CACNB2: variants seen among roughly 807,000 people sequenced by gnomAD.
CACNB2 encodes voltage-dependent L-type calcium channel subunit beta-2.
A neutral mutation model predicts 73.3 loss-of-function variants in CACNB2; 42 were observed. That is an observed-to-expected ratio of 0.57 (90% CI 0.45 to 0.74). CACNB2 has a LOEUF of 0.74. CACNB2 is among the 30% of genes least tolerant of loss of function. CACNB2 has a pLI of 0.00. For missense variants in CACNB2, 940 were observed against 853.0 expected (o/e 1.10, Z -1.27); for synonymous variants, 348 against 310.3 (o/e 1.12, Z -1.28).
intron 1 of CACNB2, chr10:18,141,200 G>C (rs757223131): frequency 8.2e-7 from 1 of 1,222,822 alleles, no homozygotes; most frequent in Non-Finnish European, 1.1e-6. Context: ...GGAGTGGACT[G>C]GACCTGCTGA....
At chr10:18,181,612 A>G (rs1026408611) in intron 2 of CACNB2, among the ~76,000 whole-genome samples, 1 of 121,084 alleles carries the variant, frequency 8.3e-6, no homozygotes, top group East Asian at 2.0e-4. Flanking sequence ...ATTTTATTTT[A>G]TTTTATTTTA....
At chr10:18,315,048 G>A (rs1439509618) in intron 2 of CACNB2, among the ~76,000 whole-genome samples, 1 of 152,112 alleles carries the variant, frequency 6.6e-6, no homozygotes, top group Non-Finnish European at 1.5e-5. Flanking sequence ...TAAAAACAGT[G>A]GGACCAGGCG....
intron 2 of CACNB2, among the ~76,000 whole-genome samples, chr10:18,242,854 A>G (rs887251385): frequency 2.0e-5 from 3 of 151,496 alleles, no homozygotes; most frequent in Admixed American, 6.6e-5. Flanking sequence ...AAAAAAACAA[A>G]AAAACATTAG....
chr10:18,253,534 A>T (rs1007698996), intron 2 of CACNB2, among the ~76,000 whole-genome samples: 1 of 152,188 alleles, frequency 6.6e-6, no homozygotes, highest in Non-Finnish European at 1.5e-5. Context: ...GAAATGTTAC[A>T]CTATGAATAG....
chr10:18,409,954 C>G (rs2044525007), intron 3 of CACNB2, among the ~76,000 whole-genome samples: 1 of 152,114 alleles, frequency 6.6e-6, no homozygotes, highest in African/African-American at 2.4e-5. Flanking sequence ...CCTGGTCATC[C>G]TCTCCAGAGA....
At chr10:18,320,982 G>C (rs2040378478) in intron 2 of CACNB2, among the ~76,000 whole-genome samples, 1 of 152,322 alleles carries the variant, frequency 6.6e-6, no homozygotes, top group Non-Finnish European at 1.5e-5. Context: ...CATGCAAGGG[G>C]ACAGAAAGCT....
At chr10:18,534,566 G>A (rs534079686) in intron 11 of CACNB2, among the ~76,000 whole-genome samples, 20 of 152,260 alleles carry the variant, frequency 1.3e-4, no homozygotes, top group South Asian at 1.2e-3. Context: ...AACTGCTGGC[G>A]TCTAAACATA....
Position 18,536,256 on chromosome 10 carries a change from T to TTTTTTC in CACNB2, c.1302+65_1302+66insCTTTTT. Reference sequence around the variant, plus strand: ...CAGAGATCAGACCTTTTTTTTTTTTTTTTTTTTTTTTTTTTTTGGGGGACA... The same window carrying TTTTTTC: ...CAGAGATCAGACCTTTTTTTTTTTTTTTTTTCTTTTTTTTTTTTTTTTTGGGGGACA... On this transcript the variant is annotated intron_variant, in intron 12 of 13. Coordinates refer to ENST00000324631, the MANE Select transcript of CACNB2 (RefSeq NM_201596.3). The TTTTTTC allele has an allele frequency of 6.1e-6, 4 of 655,608 alleles. No homozygotes were observed. In the South Asian group the frequency reaches 7.0e-5, roughly 11 times the overall value. The allele number at this position is 655,608 out of a possible 1,614,324, so 40.6% of individuals were successfully genotyped here.
intron 2 of CACNB2, among the ~76,000 whole-genome samples, chr10:18,218,041 G>T (rs1363856221): frequency 6.6e-6 from 1 of 152,096 alleles, no homozygotes; most frequent in South Asian, 2.1e-4. Context: ...ATTATATTTT[G>T]CAGGACATTC....
intron 2 of CACNB2, among the ~76,000 whole-genome samples, chr10:18,201,848 C>T (rs1047279564): frequency 6.6e-6 from 1 of 152,164 alleles, no homozygotes; most frequent in South Asian, 2.1e-4. Flanking sequence ...TTTAACAAAT[C>T]TCTCCCTGAC....
At chr10:18,457,741 T>C (rs1227746167) in intron 3 of CACNB2, among the ~76,000 whole-genome samples, 2 of 151,792 alleles carry the variant, frequency 1.3e-5, no homozygotes, top group Non-Finnish European at 2.9e-5. Context: ...AAATACAAAA[T>C]TAGTTGGGCA....
chr10:18,334,981 A>T (rs2040944259), intron 2 of CACNB2, among the ~76,000 whole-genome samples: 3 of 152,166 alleles, frequency 2.0e-5, no homozygotes, highest in Admixed American at 2.0e-4. Context: ...ATGAAAATAT[A>T]ACCAGAAAAA....
At chr10:18,381,516 C>T (rs560544801) in intron 2 of CACNB2, among the ~76,000 whole-genome samples, 11 of 151,656 alleles carry the variant, frequency 7.3e-5, no homozygotes, top group Non-Finnish European at 1.5e-4. Flanking sequence ...GGTGAAACCC[C>T]GTCTCTACTA....
At chr10:18,323,411 A>T (rs1287197860) in intron 2 of CACNB2, among the ~76,000 whole-genome samples, 1 of 151,750 alleles carries the variant, frequency 6.6e-6, no homozygotes, top group Non-Finnish European at 1.5e-5. Context: ...TGAATATTAC[A>T]TTTCTGCATT....
At chr10:18,432,524 TA>T (rs2045938425) in intron 3 of CACNB2, among the ~76,000 whole-genome samples, 1 of 151,980 alleles carries the variant, frequency 6.6e-6, no homozygotes, top group South Asian at 2.1e-4. Flanking sequence ...AACAAAAATA[TA>T]AAAATACATT....
intron 3 of CACNB2, among the ~76,000 whole-genome samples, chr10:18,408,314 C>T (rs1393410655): frequency 6.9e-6 from 1 of 144,316 alleles, no homozygotes; most frequent in Non-Finnish European, 1.5e-5. Flanking sequence ...TCTCAGCCCA[C>T]TGCAGCCTCT....
intron 3 of CACNB2, among the ~76,000 whole-genome samples, chr10:18,431,401 G>A (rs979884129): frequency 6.6e-6 from 1 of 152,086 alleles, no homozygotes; most frequent in Non-Finnish European, 1.5e-5. Flanking sequence ...GCCTCAAGTA[G>A]GTCCCAACTT....
intron 7 of CACNB2, among the ~76,000 whole-genome samples, chr10:18,517,685 A>G (rs2051418048): frequency 3.3e-5 from 5 of 152,214 alleles, no homozygotes; most frequent in Admixed American, 3.3e-4. Context: ...AAAAAATTCA[A>G]TAGCATTAAT....
At chr10:18,301,869 G>C (rs753456058) in intron 2 of CACNB2, among the ~76,000 whole-genome samples, 16 of 151,834 alleles carry the variant, frequency 1.1e-4, no homozygotes, top group Non-Finnish European at 1.5e-4. Flanking sequence ...GGCTGGTCTC[G>C]ATCTCCTGAC....
Sources: gnomAD v4.1 joint callset for allele counts (sites outside exome capture counted in the v4.1 genomes callset) on GRCh38, gnomAD v4.1.1 for gene constraint, MANE v1.5 for transcripts, NCBI Gene and HGNC (gene_info 2026-07-23, HGNC 2026-07-21) for gene names.